USP40: variants seen among roughly 807,000 people sequenced by gnomAD.
The protein encoded by USP40 is ubiquitin specific peptidase 40, also known as ubiquitin carboxyl-terminal hydrolase 40.
USP40 carries 143 observed loss-of-function variants against 166.2 expected under a neutral mutation model. The ratio of observed to expected loss-of-function variants is 0.86; its 90% CI spans 0.75 to 0.99. The LOEUF is 0.99. USP40 is among the 50% of genes least tolerant of loss of function. The probability of loss-of-function intolerance (pLI) is 0.00; values close to 1 mark genes in which losing one functional copy is unlikely to be tolerated. For synonymous variants in USP40, 498 were observed against 524.0 expected (o/e 0.95, Z 0.68); for missense variants, 1,444 against 1,479.7 (o/e 0.98, Z 0.40).
At chr2:233,523,670 T>C (rs146180300) in intron 15 of USP40, among the ~76,000 whole-genome samples, 181 bp from the exon 16 acceptor site, 97 of 152,324 alleles carry the variant, frequency 6.4e-4, no homozygotes, top group Non-Finnish European at 1.1e-3. Context: ...AACTTTCTTA[T>C]CTTTTATTTT....
intron 30 of USP40, among the ~76,000 whole-genome samples, chr2:233,483,730 C>T (rs2064771604): frequency 6.6e-6 from 1 of 152,222 alleles, no homozygotes; most frequent in Admixed American, 6.5e-5. Context: ...ATTAGGGAGG[C>T]TCGACCGTTA....
Position 233,524,525 on chromosome 2 carries a change from A to G in USP40, c.1848T>C (p.Asp616=). ...ELTLCETEIA[D]GEDIFVWNGV... ...CATTCCACACAAAGATGTCTTCCCC[A>G]TCAGCAATTTCAGTTTCACACAGTG... is the stretch of plus-strand genomic sequence containing the variant. Residue 616 remains aspartate (D), a synonymous_variant, in exon 15 of 32, where the codon GAT becomes GAC. Coordinates refer to ENST00000678225, the MANE Select transcript of USP40 (RefSeq NM_001365479.2). The G allele has an allele frequency of 6.2e-7, 1 of 1,607,064 alleles. No homozygotes were observed. Among genetic ancestry groups the G allele is most frequent in the African/African-American group, 1.3e-5 (1 of 74,802 alleles).
rs1457612121 is a variant in USP40, at chr2:233,551,413, A to T, written c.800T>A (p.Phe267Tyr). The change falls in exon 7 of 32, where the codon TTC (phenylalanine) becomes TAC (tyrosine). Residue 267 changes from phenylalanine (F) to tyrosine (Y), a missense_variant. Coordinates refer to ENST00000678225, the MANE Select transcript of USP40 (RefSeq NM_001365479.2). ...GGGCTTGAGATTAATCCGGAGAGGG[A>T]ATGTATAACAGCTAGTTTCCTTGTA... ...ERYKETSCYT[F>Y]PLRINLKPFC... 5 of 1,611,788 alleles carry T rather than the reference A, an allele frequency of 3.1e-6. No individual in the cohort carries two copies. In the African/African-American group the frequency reaches 6.7e-5, roughly 22 times the overall value.
chr2:233,538,582 T>C (rs1208401359), intron 10 of USP40, among the ~76,000 whole-genome samples: 1 of 152,188 alleles, frequency 6.6e-6, no homozygotes, highest in Non-Finnish European at 1.5e-5. Context: ...CTCAGATAAA[T>C]GAACAAATTC....
rs1310898037 is a variant in USP40, at chr2:233,477,313, C to T, written c.*79G>A. ...TTTGGGATTGGAGGCGCCAGGCAGC[C>T]AGTCCCCATGCCCAGGAAACCCACG... On this transcript the variant is annotated 3_prime_UTR_variant, in exon 32 of 32. Coordinates refer to ENST00000678225, the MANE Select transcript of USP40 (RefSeq NM_001365479.2). The T allele has an allele frequency of 7.4e-7, 1 of 1,343,822 alleles. No homozygotes were observed. Among genetic ancestry groups the T allele is most frequent in the African/African-American group, 1.4e-5 (1 of 69,222 alleles). 83.2% of individuals were successfully genotyped at this position (1,343,822 alleles called of 1,614,324 possible).
chr2:233,562,205 C>T (rs1381139654), intron 3 of USP40, among the ~76,000 whole-genome samples: 5 of 146,772 alleles, frequency 3.4e-5, no homozygotes, highest in African/African-American at 1.3e-4. Flanking sequence ...CCCAGCCATC[C>T]CATTACTGGG....
At position 233,477,444 on chromosome 2, in the gene USP40, C is replaced by A. The variant is rs778158878; in HGVS notation, c.3659G>T (p.Arg1220Leu). 2 of 1,613,800 alleles carry A rather than the reference C, an allele frequency of 1.2e-6. No homozygotes were observed. The highest frequency in any genetic ancestry group is 4.5e-5 in the East Asian group (2 of 44,880). The change falls in exon 32 of 32, where the codon CGG becomes CTG. Residue 1220 changes from arginine (R) to leucine (L), a missense_variant. Transcript: ENST00000678225. ...YILSSAETPA[R>L]PRAPETSLSI... ...GAGAGAAGTTTCCGGGGCTCGGGGC[C>A]GGGCAGGCGTCTCTGCACTGGAGAG...
intron 8 of USP40, among the ~76,000 whole-genome samples, chr2:233,548,243 T>C (rs1455447890): frequency 6.6e-6 from 1 of 152,178 alleles, no homozygotes; most frequent in Non-Finnish European, 1.5e-5. Flanking sequence ...TCAGTGGTTA[T>C]TGAGCACTGT....
At chr2:233,551,564 A>AT (rs1339808059) in intron 6 of USP40, 45 bp from the exon 7 acceptor site, 41 of 1,521,820 alleles carry the variant, frequency 2.7e-5, no homozygotes, top group Non-Finnish European at 3.5e-5. Context: ...ACAGGGTTAT[A>AT]TAAAAGGATA....
intron 1 of USP40, 49 bp from the exon 2 acceptor site, chr2:233,565,622 C>A: frequency 1.4e-6 from 2 of 1,442,166 alleles, no homozygotes; most frequent in South Asian, 1.3e-5. Flanking sequence ...ATAAATTTTC[C>A]CCAAATCCCC....
intron 6 of USP40, among the ~76,000 whole-genome samples, chr2:233,554,077 A>G (rs991721145): frequency 6.6e-6 from 1 of 152,236 alleles, no homozygotes; most frequent in African/African-American, 2.4e-5. Flanking sequence ...CAAGCTTCTC[A>G]GTGACAGAAA....
At chr2:233,557,506 C>T (rs1384395481) in intron 4 of USP40, among the ~76,000 whole-genome samples, 1 of 152,172 alleles carries the variant, frequency 6.6e-6, no homozygotes, top group African/African-American at 2.4e-5. Context: ...GAAAAAAATC[C>T]TGATGGAACT....
chr2:233,477,658 C>G (rs1437759722), intron 31 of USP40, among the ~76,000 whole-genome samples, 155 bp from the exon 32 acceptor site: 1 of 152,222 alleles, frequency 6.6e-6, no homozygotes, highest in Non-Finnish European at 1.5e-5. Flanking sequence ...CCAGAGGGCC[C>G]CATTTTGCCC....
intron 11 of USP40, among the ~76,000 whole-genome samples, chr2:233,531,210 T>G (rs1018658810): frequency 1.2e-4 from 19 of 152,338 alleles, no homozygotes; most frequent in African/African-American, 4.6e-4. Context: ...TTTACTGCTC[T>G]TTTTCAATGA....
At chr2:233,540,123 C>CAAAAAAA (rs74742520) in intron 10 of USP40, among the ~76,000 whole-genome samples, 9 of 49,752 alleles carry the variant, frequency 1.8e-4, no homozygotes, top group African/African-American at 2.9e-4. Flanking sequence ...GACCTCAACT[C>CAAAAAAA]AAAAAAAAAA....
chr2:233,558,547 T>C (rs1054226670), intron 4 of USP40, among the ~76,000 whole-genome samples: 12 of 152,164 alleles, frequency 7.9e-5, no homozygotes, highest in Non-Finnish European at 1.3e-4. Flanking sequence ...CTATGAAATG[T>C]CCAGAATAGG....
chr2:233,558,926 T>C (rs1473822261), intron 4 of USP40, among the ~76,000 whole-genome samples: 1 of 152,192 alleles, frequency 6.6e-6, no homozygotes, highest in Non-Finnish European at 1.5e-5. Context: ...CTTAATCACA[T>C]AGTTAGTATC....
chr2:233,491,434 G>T, intron 25 of USP40, 173 bp from the exon 26 acceptor site: 1 of 612,982 alleles, frequency 1.6e-6, no homozygotes, highest in Non-Finnish European at 3.0e-6. Context: ...GCAGGGACAT[G>T]TTGTCGGCAG....
intron 21 of USP40, among the ~76,000 whole-genome samples, chr2:233,507,639 G>C (rs1185306287): frequency 2.7e-5 from 4 of 150,668 alleles, no homozygotes; most frequent in Non-Finnish European, 3.0e-5. Flanking sequence ...AAAAAGAGTT[G>C]ACATCGTAGA....
Sources: gnomAD v4.1 joint callset for allele counts (sites outside exome capture counted in the v4.1 genomes callset) on GRCh38, gnomAD v4.1.1 for gene constraint, MANE v1.5 for transcripts, NCBI Gene and HGNC (gene_info 2026-07-23, HGNC 2026-07-21) for gene names.